Variants in CTNNA3 observed in about 807,000 individuals in gnomAD.
The protein encoded by CTNNA3 is catenin alpha 3.
CTNNA3 carries 76 observed loss-of-function variants against 95.7 expected under a neutral mutation model. The ratio of observed to expected loss-of-function variants is 0.79; its 90% CI spans 0.66 to 0.96. The LOEUF is 0.96. CTNNA3 is among the 40% of genes least tolerant of loss of function. The pLI is 0.00. For synonymous variants in CTNNA3, 431 were observed against 374.4 expected, an observed-to-expected ratio of 1.15 and a Z score of -1.74; for missense variants, 1,191 against 1,089.8, an observed-to-expected ratio of 1.09 and a Z score of -1.31.
intron 9 of CTNNA3, among the ~76,000 whole-genome samples, chr10:66,685,385 T>A (rs1461680529): frequency 2.0e-5 from 1 of 50,490 alleles, no homozygotes; most frequent in Admixed American, 2.4e-4. Context: ...TTTTTTTTTT[T>A]TTTTTGAGAT....
chr10:67,629,526 A>G (rs1043341489), intron 2 of CTNNA3, among the ~76,000 whole-genome samples: 1 of 152,228 alleles, frequency 6.6e-6, no homozygotes. Flanking sequence ...AGAAGAGAAA[A>G]GAGGTTTTAT....
chr10:66,564,552 G>T (rs1842648188), intron 10 of CTNNA3, among the ~76,000 whole-genome samples: 1 of 152,162 alleles, frequency 6.6e-6, no homozygotes, highest in Admixed American at 6.5e-5. Context: ...AATAAGGAGT[G>T]CTAGATCATT....
intron 5 of CTNNA3, among the ~76,000 whole-genome samples, chr10:67,263,597 T>G (rs748551401): frequency 1.1e-4 from 16 of 152,178 alleles, no homozygotes; most frequent in Admixed American, 3.9e-4. Context: ...TCTTCCACTC[T>G]CCAGCCTCCC....
At chr10:67,742,396 T>G (rs1159496762) in intron 1 of CTNNA3, among the ~76,000 whole-genome samples, 1 of 151,192 alleles carries the variant, frequency 6.6e-6, no homozygotes, top group Non-Finnish European at 1.5e-5. Context: ...CGCTCCTGAA[T>G]GACTACTGGG....
chr10:67,026,241 T>G (rs1045237337), intron 7 of CTNNA3, among the ~76,000 whole-genome samples: 4 of 151,584 alleles, frequency 2.6e-5, no homozygotes, highest in Non-Finnish European at 4.4e-5. Context: ...ACATGTACCC[T>G]AAAACTTAAA....
At chr10:67,160,229 G>A (rs192982997) in intron 7 of CTNNA3, among the ~76,000 whole-genome samples, 35 of 152,190 alleles carry the variant, frequency 2.3e-4, no homozygotes, top group Middle Eastern at 3.4e-3. Flanking sequence ...CAAATATTGA[G>A]GAGGATGTGA....
rs191061779 is a variant in CTNNA3 at position 67,494,030 on chromosome 10, G to A, written c.579+27812C>T. Among the ~76,000 whole-genome samples the A allele has an allele frequency of 3.6e-3, 554 of 152,248 alleles. 2 individuals are homozygous for A. Among genetic ancestry groups the A allele is most frequent in the Middle Eastern group, 0.014 (4 of 294 alleles). ...GGTCCTCAGGGGACAGAAGAAAATG[G>A]GATTCAGAATACAGGATTATTCTGG... is the stretch of plus-strand genomic sequence containing the variant. On this transcript the variant is annotated intron_variant, in intron 5 of 17. Transcript: ENST00000433211.
At chr10:66,619,069 T>C (rs1354957372) in intron 10 of CTNNA3, among the ~76,000 whole-genome samples, 1 of 151,860 alleles carries the variant, frequency 6.6e-6, no homozygotes, top group African/African-American at 2.4e-5. Flanking sequence ...CAACAGGTGC[T>C]GGAGAGGATG....
intron 5 of CTNNA3, among the ~76,000 whole-genome samples, chr10:67,347,152 C>T (rs1379768134): frequency 2.6e-5 from 4 of 151,850 alleles, no homozygotes; most frequent in African/African-American, 4.8e-5. Flanking sequence ...CAGGCTCAAG[C>T]GATTCTCTAG....
intron 7 of CTNNA3, among the ~76,000 whole-genome samples, chr10:66,843,542 G>A (rs761151642): frequency 1.3e-5 from 2 of 152,164 alleles, no homozygotes; most frequent in African/African-American, 4.8e-5. Context: ...TTCTGAGGAT[G>A]TGCAGAAAGA....
At chr10:66,313,624 A>G (rs2132267163) in intron 12 of CTNNA3, among the ~76,000 whole-genome samples, 1 of 152,270 alleles carries the variant, frequency 6.6e-6, no homozygotes, top group African/African-American at 2.4e-5. Context: ...AGTTCCTACT[A>G]CTGTTTGCAT....
intron 12 of CTNNA3, among the ~76,000 whole-genome samples, chr10:66,307,050 C>A (rs2091945044): frequency 6.6e-6 from 1 of 152,158 alleles, no homozygotes. Flanking sequence ...TCACTTAATC[C>A]TCACAAGAGC....
chr10:67,201,708 T>A (rs1863659635), intron 6 of CTNNA3, among the ~76,000 whole-genome samples: 1 of 152,198 alleles, frequency 6.6e-6, no homozygotes. Flanking sequence ...ATTGCAATTA[T>A]ATCCTCCATT....
chr10:67,574,577 CTT>C (rs11288654), intron 3 of CTNNA3, among the ~76,000 whole-genome samples: 2,372 of 116,292 alleles, frequency 0.02, 51 homozygotes, highest in African/African-American at 0.083. Flanking sequence ...AGGTTGTTAA[CTT>C]TTTTTTTTTT....
chr10:67,141,135 G>A (rs907672300), intron 7 of CTNNA3, among the ~76,000 whole-genome samples: 4 of 152,138 alleles, frequency 2.6e-5, no homozygotes, highest in Non-Finnish European at 5.9e-5. Context: ...ATCAGAGCCA[G>A]AAAAAGGAAT....
intron 10 of CTNNA3, among the ~76,000 whole-genome samples, chr10:66,533,887 A>T (rs536907519): frequency 6.6e-6 from 1 of 152,184 alleles, no homozygotes; most frequent in Middle Eastern, 3.2e-3. Flanking sequence ...CCTGGGCAAC[A>T]TAGCAAGACC....
rs901787075 is a variant in CTNNA3, at chr10:66,095,703, T to A, written c.1977+7454A>T. On this transcript the variant is annotated intron_variant, in intron 14 of 17. Coordinates refer to ENST00000433211, the MANE Select transcript of CTNNA3 (RefSeq NM_013266.4). The stretch of plus-strand genomic sequence containing the variant: ...CACCAACATAAAGTTTACATGGCAT[T>A]TTTTTTACACTAAGAACCATCGCAA... Among the ~76,000 whole-genome samples the A allele has an allele frequency of 5.3e-5, 8 of 152,094 alleles. No homozygotes were observed. In the South Asian group the frequency reaches 8.3e-4, roughly 16 times the overall value.
intron 1 of CTNNA3, among the ~76,000 whole-genome samples, chr10:67,656,691 G>T (rs535327626): frequency 6.6e-6 from 1 of 151,900 alleles, no homozygotes; most frequent in Admixed American, 6.6e-5. Flanking sequence ...AGCAAGACTC[G>T]AAGAGGCAAG....
chr10:66,024,248 C>T (rs1182922902), intron 15 of CTNNA3, among the ~76,000 whole-genome samples: 1 of 152,080 alleles, frequency 6.6e-6, no homozygotes, highest in African/African-American at 2.4e-5. Flanking sequence ...CGCCACCACG[C>T]CCAGCTAACT....
Sources: gnomAD v4.1 joint callset for allele counts (sites outside exome capture counted in the v4.1 genomes callset) on GRCh38, gnomAD v4.1.1 for gene constraint, MANE v1.5 for transcripts, NCBI Gene and HGNC (gene_info 2026-07-23, HGNC 2026-07-21) for gene names.